Variants in DMD observed in about 807,000 individuals in gnomAD.
DMD encodes the protein dystrophin.
A neutral mutation model predicts 330.1 loss-of-function variants in DMD; 63 were observed. The observed-to-expected ratio is 0.19, with a 90% CI of 0.16 to 0.24. The LOEUF (loss-of-function observed/expected upper bound fraction) is 0.24, where lower values mean the gene tolerates loss of function less well. DMD is among the 10% of genes least tolerant of loss of function. DMD has a pLI of 1.00. For synonymous variants in DMD, 1,223 were observed against 959.8 expected, an observed-to-expected ratio of 1.27 and a Z score of -5.07; for missense variants, 3,344 against 2,684.1, an observed-to-expected ratio of 1.25 and a Z score of -5.43.
At chrX:32,016,481 C>A (rs928572866) in intron 44 of DMD, among the ~76,000 whole-genome samples, 1 of 112,131 alleles carries the variant, frequency 8.9e-6, no homozygotes, top group Non-Finnish European at 1.9e-5. Flanking sequence ...AAAGCACAAG[C>A]ACATAGGACA....
At chrX:33,092,976 C>G (rs759423185) in intron 1 of DMD, among the ~76,000 whole-genome samples, 2 of 111,039 alleles carry the variant, frequency 1.8e-5, no homozygotes, top group African/African-American at 3.3e-5. Flanking sequence ...TGGGTTCAAG[C>G]GATTCTCCAG....
intron 55 of DMD, among the ~76,000 whole-genome samples, chrX:31,526,766 A>G (rs1165234973): frequency 9.0e-6 from 1 of 111,603 alleles, no homozygotes; most frequent in African/African-American, 3.3e-5. Flanking sequence ...TGAAAATCTT[A>G]TTCCCAAAGT....
intron 51 of DMD, among the ~76,000 whole-genome samples, chrX:31,745,120 C>A (rs1603458547): frequency 1.8e-5 from 2 of 111,884 alleles, no homozygotes; most frequent in East Asian, 5.6e-4. Context: ...AGAGGAACAG[C>A]AACATGAACT....
At position 32,453,322 on chromosome X, in the gene DMD, A is replaced by C. The variant is rs1220756520; in HGVS notation, c.3603+1340T>G. Among the ~76,000 whole-genome samples the C allele has an allele frequency of 9.9e-5, 11 of 110,891 alleles. 1 individual carries two copies. Among genetic ancestry groups the C allele is most frequent in the African/African-American group, 3.6e-4 (11 of 30,635 alleles). ...TAGTTGATAAATATGCTATTGCTAG[A>C]TTAGAATAATTCTGTGTTTTTAATA... On this transcript the variant is annotated intron_variant, in intron 26 of 78. Transcript: ENST00000357033.
chrX:32,041,883 A>T (rs1259681964), intron 44 of DMD, among the ~76,000 whole-genome samples: 5 of 107,174 alleles, frequency 4.7e-5, no homozygotes, highest in Non-Finnish European at 9.6e-5. Flanking sequence ...AGTGGTTAAC[A>T]TTAACTTTGG....
chrX:32,538,128 C>G (rs763408546), intron 17 of DMD, among the ~76,000 whole-genome samples: 1 of 112,163 alleles, frequency 8.9e-6, no homozygotes, highest in African/African-American at 3.2e-5. Flanking sequence ...ACAGTAGCAT[C>G]CCTTAACCTG....
chrX:32,853,595 T>A (rs1390643190), intron 2 of DMD, among the ~76,000 whole-genome samples: 1 of 109,149 alleles, frequency 9.2e-6, no homozygotes. Context: ...TTCACAAAAT[T>A]TAAAAAGCAA....
chrX:32,090,760 T>TG (rs2147995850), intron 44 of DMD, among the ~76,000 whole-genome samples: 1 of 110,911 alleles, frequency 9.0e-6, no homozygotes, highest in African/African-American at 3.3e-5. Flanking sequence ...TTCTGAATTT[T>TG]GGGTTTTTTT....
At chrX:32,082,437 T>TATC (rs768918512) in intron 44 of DMD, among the ~76,000 whole-genome samples, 131 of 109,564 alleles carry the variant, frequency 1.2e-3, no homozygotes, top group Non-Finnish European at 2.1e-3. Context: ...TCTATCTATC[T>TATC]ATTTTGTAGA....
intron 45 of DMD, among the ~76,000 whole-genome samples, chrX:31,945,877 C>T (rs951713242): frequency 9.0e-6 from 1 of 111,504 alleles, no homozygotes; most frequent in Non-Finnish European, 1.9e-5. Context: ...GATGTGTCTC[C>T]TCTGTGTGTA....
intron 47 of DMD, among the ~76,000 whole-genome samples, chrX:31,888,812 T>C (rs1255676494): frequency 3.6e-5 from 4 of 112,441 alleles, no homozygotes; most frequent in South Asian, 3.7e-4. Context: ...TAAATCCATA[T>C]ACAATGTAAA....
At chrX:31,427,283 C>G (rs1157937137) in intron 60 of DMD, among the ~76,000 whole-genome samples, 1 of 111,314 alleles carries the variant, frequency 9.0e-6, no homozygotes, top group Non-Finnish European at 1.9e-5. Flanking sequence ...TTCTTTACCT[C>G]TTGGAACCCT....
chrX:31,210,609 G>A (rs1358302251), intron 64 of DMD, among the ~76,000 whole-genome samples: 1 of 112,010 alleles, frequency 8.9e-6, no homozygotes, highest in Non-Finnish European at 1.9e-5. Flanking sequence ...ATACACCTAA[G>A]CTCTGGTTGG....
intron 62 of DMD, among the ~76,000 whole-genome samples, chrX:31,299,850 A>C (rs1014101428): frequency 9.1e-6 from 1 of 109,832 alleles, no homozygotes; most frequent in Non-Finnish European, 1.9e-5. Context: ...AAAAATAACT[A>C]TCTGAGGAAA....
intron 50 of DMD, among the ~76,000 whole-genome samples, chrX:31,779,795 T>C (rs1350923007): frequency 9.0e-6 from 1 of 110,777 alleles, no homozygotes; most frequent in Non-Finnish European, 1.9e-5. Context: ...TGTAGCATAA[T>C]ACCTTTCTCA....
rs1556698908 is a variant in DMD, at chrX:31,569,652, A to ATATACACGTATATACGTATATATACG, written c.8217+58020_8217+58021insCGTATATATACGTATATACGTGTATA. On this transcript the variant is annotated intron_variant, in intron 55 of 78. Transcript: ENST00000357033. The stretch of plus-strand genomic sequence containing the variant: ...TATACGTATATATATGTATATACGT[A>ATATACACGTATATACGTATATATACG]TATATACGTATATATACGTATATAT... 1.8e-3 allele frequency among the ~76,000 whole-genome samples: 168 copies of ATATACACGTATATACGTATATATACG among 93,071 alleles called. 1 individual carries two copies. The highest frequency in any genetic ancestry group is 2.1e-3 in the Admixed American group (18 of 8,616). The allele number at this position is 93,071 out of a possible 115,157, so 80.8% of individuals were successfully genotyped here.
intron 60 of DMD, among the ~76,000 whole-genome samples, chrX:31,407,264 A>G (rs893382318): frequency 9.0e-5 from 10 of 110,658 alleles, no homozygotes; most frequent in Non-Finnish European, 1.7e-4. Context: ...TCCTGGGTTC[A>G]AGCAATTCTC....
At chrX:31,439,068 C>T (rs2064747721) in intron 60 of DMD, among the ~76,000 whole-genome samples, 1 of 111,167 alleles carries the variant, frequency 9.0e-6, no homozygotes, top group Non-Finnish European at 1.9e-5. Context: ...CTATATAGAC[C>T]AAGTTTCCAG....
chrX:31,392,339 T>C (rs770499125), intron 60 of DMD, among the ~76,000 whole-genome samples: 5 of 112,726 alleles, frequency 4.4e-5, no homozygotes, highest in African/African-American at 1.6e-4. Context: ...AATAAACCAA[T>C]TTTGGGTATA....
Sources: allele counts gnomAD v4.1 joint callset (sites outside exome capture counted in the v4.1 genomes callset), GRCh38; gene constraint gnomAD v4.1.1; transcripts MANE v1.5; gene names NCBI Gene and HGNC (gene_info 2026-07-23, HGNC 2026-07-21).